Variants in ZC3H14 observed in about 807,000 individuals in gnomAD.
The protein encoded by ZC3H14 is zinc finger CCCH-type containing 14, also known as zinc finger CCCH domain-containing protein 14.
ZC3H14 carries 31 observed loss-of-function variants against 92.4 expected under a neutral mutation model. The ratio of observed to expected loss-of-function variants is 0.34; its 90% CI spans 0.25 to 0.45. The LOEUF (loss-of-function observed/expected upper bound fraction) is 0.45. ZC3H14 is among the 20% of genes least tolerant of loss of function. The pLI is 1.00. For synonymous variants in ZC3H14, 321 were observed against 300.9 expected (o/e 1.07, Z -0.69); for missense variants, 781 against 897.3 (o/e 0.87, Z 1.66).
chr14:88,616,633 G>T lies in ZC3H14; in HGVS notation c.*4882G>T. ...GTTTGGGGAAAAATTTAGAAATTAG[G>T]ACAAAACATTTTAAATATATGGGGA... On this transcript the variant is annotated 3_prime_UTR_variant, in exon 17 of 17. Coordinates refer to ENST00000251038, the MANE Select transcript of ZC3H14 (RefSeq NM_024824.5). The T allele has an allele frequency of 7.8e-7, 1 of 1,279,792 alleles. No homozygotes were observed. The highest frequency in any genetic ancestry group is 1.1e-6 in the Non-Finnish European group (1 of 951,450). 79.3% of individuals were successfully genotyped at this position (1,279,792 alleles called of 1,614,324 possible). A position where few individuals can be genotyped will look rare whatever the true frequency, so the allele number is the denominator to read the frequency against.
chr14:88,616,941 A>G lies in ZC3H14; in HGVS notation c.*5190A>G. ...AGTGCGGGCAGGTTGACTATATTCAAAAAGTTTCTTGGCAATTAATCTCTA... is the reference window on the plus strand; with the variant it reads ...AGTGCGGGCAGGTTGACTATATTCAGAAAGTTTCTTGGCAATTAATCTCTA... On this transcript the variant is annotated 3_prime_UTR_variant, in exon 17 of 17. Coordinates refer to ENST00000251038, the MANE Select transcript of ZC3H14 (RefSeq NM_024824.5). The G allele has an allele frequency of 1.3e-6, 2 of 1,536,320 alleles. No homozygotes were observed. The highest frequency in any genetic ancestry group is 1.2e-5 in the South Asian group (1 of 81,844).
At position 88,623,585 on chromosome 14, in the gene ZC3H14, T is replaced by A. The variant is rs574197233; in HGVS notation, c.*11834T>A. On this transcript the variant is annotated 3_prime_UTR_variant, in exon 17 of 17. Transcript: ENST00000251038. ...ACAGGCACCATGCCTGGCTAATTTT[T>A]GTATTTTTAGTAGAGATGGAGTTTC... 1 of 152,046 alleles carries A rather than the reference T, an allele frequency of 6.6e-6. No homozygotes were observed. The allele number at this position is 152,046 out of a possible 1,614,324, so 9.4% of individuals were successfully genotyped here.
At chr14:88,581,198 T>G (rs1269552810) in intron 9 of ZC3H14, among the ~76,000 whole-genome samples, 2 of 152,198 alleles carry the variant, frequency 1.3e-5, no homozygotes, top group South Asian at 2.1e-4. Context: ...CATAGAAACA[T>G]TCATCAACCC....
intron 11 of ZC3H14, 149 bp downstream of exon 11, chr14:88,602,232 A>C (rs2084750770): frequency 3.8e-6 from 4 of 1,054,594 alleles, no homozygotes; most frequent in Non-Finnish European, 5.5e-6. Flanking sequence ...TAGTTAGCCA[A>C]ATTCAGTTTT....
intron 12 of ZC3H14, among the ~76,000 whole-genome samples, chr14:88,606,427 A>ACTAC (rs1170279443): frequency 4.6e-5 from 7 of 152,172 alleles, no homozygotes; most frequent in African/African-American, 1.7e-4. Context: ...CAGTCTCTGT[A>ACTAC]AGTGATGGCA....
chr14:88,563,436 C>T (rs2079127862), intron 1 of ZC3H14: 1 of 1,434,254 alleles, frequency 7.0e-7, no homozygotes, highest in East Asian at 2.6e-5. Flanking sequence ...CACGGCGCCG[C>T]TTTGGATCCG....
intron 16 of ZC3H14, 91 bp from the exon 17 acceptor site, chr14:88,611,650 ATTGC>A: frequency 1.4e-6 from 2 of 1,431,048 alleles, no homozygotes; most frequent in Non-Finnish European, 2.0e-6. Flanking sequence ...CCAAATATTT[ATTGC>A]TTAAAACTAG....
intron 9 of ZC3H14, chr14:88,589,914 G>A (rs2082908254): frequency 6.6e-6 from 1 of 152,432 alleles, no homozygotes; most frequent in Non-Finnish European, 1.5e-5. Context: ...TGGATCATAT[G>A]AGGCTAGGAG....
At chr14:88,604,335 C>T (rs2085043036) in intron 12 of ZC3H14, among the ~76,000 whole-genome samples, 1 of 152,116 alleles carries the variant, frequency 6.6e-6, no homozygotes, top group Non-Finnish European at 1.5e-5. Flanking sequence ...ACTGGGGACT[C>T]AGTGTTTCCC....
rs1419942592 is a variant in ZC3H14, at chr14:88,568,151, A to G, written c.192A>G (p.Val64=). 1 of 1,613,622 alleles carries G rather than the reference A, an allele frequency of 6.2e-7. No homozygotes were observed. The highest frequency in any genetic ancestry group is 8.5e-7 in the Non-Finnish European group (1 of 1,179,608). ...GGAACAACACAATTCGATTCACCGT[A>G]TGGTATGTTTCTGAATTTTTGTGCC... ...FLGNNTIRFT[V]WLHGVLDKLR... Residue 64 remains valine, a splice_region_variant and synonymous_variant, in exon 3 of 17, where the codon GTA becomes GTG. Transcript: ENST00000251038.
At chr14:88,563,736 T>C (rs1448496381) in intron 2 of ZC3H14, 43 bp downstream of exon 2, 3 of 1,582,692 alleles carry the variant, frequency 1.9e-6, no homozygotes, top group African/African-American at 1.3e-5. Context: ...ATTTAGAGTT[T>C]GCAGCTAATA....
chr14:88,611,947 TTTTTG>T lies in ZC3H14; in HGVS notation c.*206_*210del, dbSNP rs1341536522. ...TATTATGTGGTTTTAACATTGGGTG[TTTTTG>T]TTTTGTTTTTACTATGAAAAGACAG... On this transcript the variant is annotated 3_prime_UTR_variant, in exon 17 of 17. Coordinates refer to ENST00000251038, the MANE Select transcript of ZC3H14 (RefSeq NM_024824.5). 1.6e-4 allele frequency: 112 copies of T among 720,100 alleles called. No individual in the cohort carries two copies. The South Asian group carries it at 2.0e-3, about 13-fold the overall frequency. The allele number at this position is 720,100 out of a possible 1,614,324, so 44.6% of individuals were successfully genotyped here.
At chr14:88,572,331 CAAT>C (rs1555397264) in intron 5 of ZC3H14, 106 bp downstream of exon 5, 29 of 1,300,282 alleles carry the variant, frequency 2.2e-5, no homozygotes, top group African/African-American at 1.5e-5. Context: ...TTTTTAGAAA[CAAT>C]GAAGTGATCG....
intron 9 of ZC3H14, among the ~76,000 whole-genome samples, chr14:88,595,650 A>C (rs2083711206): frequency 6.6e-6 from 1 of 152,208 alleles, no homozygotes; most frequent in Non-Finnish European, 1.5e-5. Flanking sequence ...AATTTCATAT[A>C]ACTTATGTTT....
chr14:88,579,274 A>G (rs2081584781), intron 9 of ZC3H14, among the ~76,000 whole-genome samples: 1 of 152,114 alleles, frequency 6.6e-6, no homozygotes, highest in Non-Finnish European at 1.5e-5. Context: ...TGTATTGTTC[A>G]GTTTGCCATG....
At chr14:88,584,333 C>T (rs1457884276) in intron 9 of ZC3H14, among the ~76,000 whole-genome samples, 1 of 151,920 alleles carries the variant, frequency 6.6e-6, no homozygotes, top group Non-Finnish European at 1.5e-5. Context: ...ACTATATAGC[C>T]TAGAAATAGT....
At chr14:88,576,801 C>G (rs1161798323) in intron 8 of ZC3H14, among the ~76,000 whole-genome samples, 2 of 151,780 alleles carry the variant, frequency 1.3e-5, no homozygotes, top group Admixed American at 6.6e-5. Context: ...TATTTGTTTT[C>G]TTTTTTTGAG....
chr14:88,579,073 T>G (rs1047687311), intron 9 of ZC3H14, among the ~76,000 whole-genome samples: 3 of 152,156 alleles, frequency 2.0e-5, no homozygotes, highest in African/African-American at 7.2e-5. Flanking sequence ...ATTTGAATTT[T>G]AAGACCCCAC....
intron 5 of ZC3H14, 68 bp from the exon 6 acceptor site, chr14:88,572,510 A>G (rs1174674198): frequency 2.5e-6 from 4 of 1,582,512 alleles, no homozygotes; most frequent in South Asian, 1.1e-5. Context: ...TCAAGTAAAC[A>G]TTCTTTAAAG....
Sources: allele counts gnomAD v4.1 joint callset (sites outside exome capture counted in the v4.1 genomes callset), GRCh38; gene constraint gnomAD v4.1.1; transcripts MANE v1.5; gene names NCBI Gene and HGNC (gene_info 2026-07-23, HGNC 2026-07-21).